The following PLEKHM1 variants were observed in gnomAD, a reference collection of about 807,000 sequenced individuals.
PLEKHM1 encodes the protein pleckstrin homology domain-containing family M member 1.
PLEKHM1 carries 28 observed loss-of-function variants against 94.3 expected under a neutral mutation model. The observed-to-expected ratio is 0.30, with a 90% confidence interval of 0.22 to 0.41. The LOEUF is 0.41. PLEKHM1 is among the 10% of genes least tolerant of loss of function. The pLI is 1.00. For synonymous variants in PLEKHM1, 424 were observed against 581.2 expected, an observed-to-expected ratio of 0.73 and a Z score of 3.89; for missense variants, 907 against 1,358.6, an observed-to-expected ratio of 0.67 and a Z score of 5.22.
chr17:45,452,133 G>A (rs1198275361), intron 7 of PLEKHM1, among the ~76,000 whole-genome samples: 2 of 152,124 alleles, frequency 1.3e-5, no homozygotes, highest in East Asian at 3.9e-4. Flanking sequence ...CATGGTGATG[G>A]GATGCCATCT....
chr17:45,454,028 G>A lies in PLEKHM1; in HGVS notation c.1824C>T (p.Ser608=). The change falls in exon 7 of 12, where the codon TCC becomes TCT. Residue 608 remains serine (S), a synonymous_variant. Coordinates refer to ENST00000430334, the MANE Select transcript of PLEKHM1 (RefSeq NM_014798.3). ...FSGKKLALRA[S]SQDEAEDWLD... ...GCCAGTCCTCAGCTTCGTCCTGGGA[G>A]GAGGCGCGCAGGGCCAGCTTCTTGC... 1 of 1,614,144 alleles carries A rather than the reference G, an allele frequency of 6.2e-7. No individual in the cohort carries two copies. Among genetic ancestry groups the A allele is most frequent in the Non-Finnish European group, 8.5e-7 (1 of 1,179,980 alleles).
intron 9 of PLEKHM1, among the ~76,000 whole-genome samples, chr17:45,443,863 C>T (rs2050522926): frequency 6.6e-6 from 1 of 152,046 alleles, no homozygotes; most frequent in Admixed American, 6.5e-5. Context: ...ACCCAGTCAC[C>T]CACGATGCTT....
In PLEKHM1 at chr17:45,468,476, G is replaced by C. The variant is rs2145284409; in HGVS notation, c.1041C>G (p.Ser347Arg). 1 of 1,614,264 alleles carries C rather than the reference G, an allele frequency of 6.2e-7. No homozygotes were observed. The highest frequency in any genetic ancestry group is 2.2e-5 in the East Asian group (1 of 44,886). Reference protein sequence around the residue: ...ASLSLHGLNTSTYLHCEAPAE... With the variant: ...ASLSLHGLNTRTYLHCEAPAE... The stretch of plus-strand genomic sequence containing the variant: ...CAGGTGCCTCACAGTGCAGGTATGT[G>C]CTGGTGTTGAGGCCATGGAGGGAGA... Residue 347 changes from serine (S) to arginine (R), a missense_variant, in exon 5 of 12, where the codon AGC (serine) becomes AGG (arginine). Ser to Arg is a moderately radical substitution (Grantham distance 110). This residue lies in a region of PLEKHM1 where 477 missense variants were observed against 601.5 expected (regional missense o/e 0.79). Transcript: ENST00000430334.
At chr17:45,447,053 G>C (rs1451592782) in intron 8 of PLEKHM1, among the ~76,000 whole-genome samples, 1 of 152,226 alleles carries the variant, frequency 6.6e-6, no homozygotes, top group African/African-American at 2.4e-5. Context: ...GATTAAAAGA[G>C]GTATTCCAGG....
At chr17:45,472,002 T>G (rs2051528098) in intron 4 of PLEKHM1, among the ~76,000 whole-genome samples, 1 of 152,242 alleles carries the variant, frequency 6.6e-6, no homozygotes. Flanking sequence ...CGCTTTATAT[T>G]AATAAATTTC....
In PLEKHM1 at chr17:45,453,894, C is replaced by G. The variant is rs748537332; in HGVS notation, c.1958G>C (p.Gly653Ala). The change falls in exon 7 of 12, where the codon GGC (glycine) becomes GCC (alanine). Residue 653 changes from glycine to alanine, a missense_variant. Gly to Ala is a moderately conservative substitution (Grantham distance 60). Around this residue, in one of 3 missense-constraint regions of PLEKHM1, gnomAD observed 477 missense variants for 601.5 expected, o/e 0.79. Transcript: ENST00000430334. The surrounding 1 kb of genome is among the most constrained non-coding windows in gnomAD (Gnocchi z 4.1). ...QPEEPPEAPQ[G>A]CLSPSDLLSE... ...GAGCAGGTCTGAGGGAGAGAGGCAG[C>G]CCTGGGGCGCCTCGGGGGGTTCCTC... 6.2e-7 allele frequency: 1 copy of G among 1,613,714 alleles called. No individual in the cohort carries two copies. The highest frequency in any genetic ancestry group is 8.5e-7 in the Non-Finnish European group (1 of 1,179,770).
Position 45,440,156 on chromosome 17 carries a change from C to G in PLEKHM1, c.2901+7G>C, listed in dbSNP as rs1277634906. 11 of 1,612,980 alleles carry G rather than the reference C, an allele frequency of 6.8e-6. No homozygotes were observed. The highest frequency in any genetic ancestry group is 9.3e-6 in the Non-Finnish European group (11 of 1,179,040). ...AGGTCTGGGCGGGGGAAGCATGACA[C>G]TCTTACCTGTTGGAGGTCAGCAACA... On this transcript the variant is annotated splice_region_variant and intron_variant, in intron 10 of 11. Coordinates refer to ENST00000430334, the MANE Select transcript of PLEKHM1 (RefSeq NM_014798.3).
chr17:45,456,560 T>C (rs1222281580), intron 6 of PLEKHM1, among the ~76,000 whole-genome samples: 2 of 152,220 alleles, frequency 1.3e-5, no homozygotes, highest in African/African-American at 4.8e-5. Flanking sequence ...GGCCTAGACC[T>C]GAAGCACAGC....
intron 3 of PLEKHM1, 174 bp from the exon 4 acceptor site, chr17:45,475,900 C>T: frequency 1.3e-6 from 1 of 755,812 alleles, no homozygotes; most frequent in East Asian, 2.7e-5. Flanking sequence ...GTAATCCCAG[C>T]ACTTTGGGAG....
intron 1 of PLEKHM1, chr17:45,487,808 G>C: frequency 2.2e-6 from 1 of 456,090 alleles, no homozygotes; most frequent in Non-Finnish European, 4.4e-6. Flanking sequence ...CTTCTCTTGA[G>C]GGACTCCTCA....
At chr17:45,469,733 T>C (rs1272932940) in intron 4 of PLEKHM1, among the ~76,000 whole-genome samples, 1 of 152,150 alleles carries the variant, frequency 6.6e-6, no homozygotes, top group East Asian at 1.9e-4. Context: ...AAACAACATT[T>C]CAAGACATTA....
At position 45,472,324 on chromosome 17, in the gene PLEKHM1, C is replaced by T. The variant is rs1236655836; in HGVS notation, c.923+2776G>A. Among the ~76,000 whole-genome samples the T allele has an allele frequency of 6.6e-5, 10 of 152,268 alleles. No individual in the cohort carries two copies. In the East Asian group the frequency reaches 7.7e-4, roughly 12 times the overall value. On this transcript the variant is annotated intron_variant, in intron 4 of 11. Coordinates refer to ENST00000430334, the MANE Select transcript of PLEKHM1 (RefSeq NM_014798.3). ...TTTGCCAGTTACTCACACCACTGTC[C>T]GGCATTTGTCTATACATCCTGACCC...
chr17:45,440,480 G>T (rs1286194196), intron 9 of PLEKHM1: 3 of 599,756 alleles, frequency 5.0e-6, no homozygotes, highest in South Asian at 2.0e-5. Context: ...AAATGGAGTT[G>T]TCTGGATTAA....
chr17:45,438,923 C>G (rs572755427), intron 11 of PLEKHM1, among the ~76,000 whole-genome samples: 1 of 152,204 alleles, frequency 6.6e-6, no homozygotes, highest in South Asian at 2.1e-4. Flanking sequence ...CAGTGGACAC[C>G]GACAGAAAAA....
Position 45,446,786 on chromosome 17 carries a change from GA to G in PLEKHM1, c.2644-1124del, listed in dbSNP as rs2050620296. ...TCAAATTCTGATAAATTGTGTAGGGGAAAAAAAGTCTGGCTTCGGAGTCAGA... is the reference window on the plus strand; with the variant it reads ...TCAAATTCTGATAAATTGTGTAGGGGAAAAAAGTCTGGCTTCGGAGTCAGA... On this transcript the variant is annotated intron_variant, in intron 8 of 11. Coordinates refer to ENST00000430334, the MANE Select transcript of PLEKHM1 (RefSeq NM_014798.3). Among the ~76,000 whole-genome samples the G allele has an allele frequency of 3.9e-5, 6 of 152,222 alleles. 1 individual carries two copies. In the South Asian group the frequency reaches 1.2e-3, roughly 32 times the overall value.
At chr17:45,473,408 A>C (rs1355170000) in intron 4 of PLEKHM1, among the ~76,000 whole-genome samples, 1 of 152,130 alleles carries the variant, frequency 6.6e-6, no homozygotes, top group Non-Finnish European at 1.5e-5. Flanking sequence ...TGGGCAACAC[A>C]GTGAGACCCC....
chr17:45,465,294 T>C (rs1409926680), intron 5 of PLEKHM1, among the ~76,000 whole-genome samples: 8 of 151,608 alleles, frequency 5.3e-5, no homozygotes, highest in Non-Finnish European at 1.2e-4. Context: ...ATAAGCAAAG[T>C]CAAGCAGATG....
At chr17:45,486,181 C>A (rs2052111255) in intron 1 of PLEKHM1, among the ~76,000 whole-genome samples, 2 of 145,624 alleles carry the variant, frequency 1.4e-5, no homozygotes, top group Admixed American at 1.4e-4. Context: ...CCCGCCACTG[C>A]ACTCCAGCCT....
chr17:45,453,242 G>T lies in PLEKHM1; in HGVS notation c.2497+113C>A. 1.2e-6 allele frequency: 1 copy of T among 843,174 alleles called. No homozygotes were observed. The highest frequency in any genetic ancestry group is 2.0e-6 in the Non-Finnish European group (1 of 502,230). 52.2% of individuals were successfully genotyped at this position (843,174 alleles called of 1,614,324 possible). ...CCTGATCTGTGGCCTCATCCCTAGG[G>T]GAAGGATGGGGGCATTTGCGGGGAG... On this transcript the variant is annotated intron_variant, in intron 7 of 11. Transcript: ENST00000430334. This position sits in a 1 kb window ranked among gnomAD's most constrained non-coding sequence, Gnocchi z 4.1.
Sources: allele counts gnomAD v4.1 joint callset (sites outside exome capture counted in the v4.1 genomes callset), GRCh38; gene constraint gnomAD v4.1.1; regional missense constraint gnomAD v4.1.1; non-coding constraint Gnocchi (gnomAD v3.1); transcripts MANE v1.5; gene names NCBI Gene and HGNC (gene_info 2026-07-23, HGNC 2026-07-21).